Variants in CTNNA3 observed in about 807,000 individuals in gnomAD.
The protein encoded by CTNNA3 is catenin alpha 3, also known as catenin alpha-3.
In CTNNA3, 76 loss-of-function variants were observed where a neutral mutation model predicts 95.7. The observed-to-expected ratio is 0.79, with a 90% CI of 0.66 to 0.96. The LOEUF is 0.96. CTNNA3 is among the 40% of genes least tolerant of loss of function. The probability of loss-of-function intolerance (pLI) is 0.00; values close to 1 mark genes in which losing one functional copy is unlikely to be tolerated. For missense variants in CTNNA3, 1,191 were observed against 1,089.8 expected, an observed-to-expected ratio of 1.09 and a Z score of -1.31; for synonymous variants, 431 against 374.4, an observed-to-expected ratio of 1.15 and a Z score of -1.74.
chr10:66,277,514 GTTTA>G (rs1368248008), intron 13 of CTNNA3, among the ~76,000 whole-genome samples: 1 of 152,116 alleles, frequency 6.6e-6, no homozygotes. Context: ...ACCAGATCAA[GTTTA>G]TTCTCTTCTG....
At chr10:66,793,093 T>C (rs1430663863) in intron 7 of CTNNA3, among the ~76,000 whole-genome samples, 6 of 152,150 alleles carry the variant, frequency 3.9e-5, no homozygotes, top group Non-Finnish European at 8.8e-5. Context: ...GGATGTCCAA[T>C]GGTAATCCAC....
intron 1 of CTNNA3, among the ~76,000 whole-genome samples, chr10:67,664,868 T>G (rs1262043807): frequency 6.6e-6 from 1 of 152,228 alleles, no homozygotes; most frequent in Admixed American, 6.5e-5. Context: ...TCTCCTTTTT[T>G]GCTTTACCAA....
At chr10:66,210,818 T>C (rs1294280225) in intron 13 of CTNNA3, among the ~76,000 whole-genome samples, 1 of 152,200 alleles carries the variant, frequency 6.6e-6, no homozygotes, top group Non-Finnish European at 1.5e-5. Context: ...TACAATTGTG[T>C]TTAGAACGTG....
chr10:66,452,796 C>T (rs995895326), intron 11 of CTNNA3, among the ~76,000 whole-genome samples: 1 of 152,114 alleles, frequency 6.6e-6, no homozygotes, highest in Non-Finnish European at 1.5e-5. Flanking sequence ...CTTACCTGAT[C>T]TCACGGCCCC....
chr10:65,946,531 T>C (rs917614774), intron 17 of CTNNA3, among the ~76,000 whole-genome samples: 3 of 152,162 alleles, frequency 2.0e-5, no homozygotes, highest in Non-Finnish European at 2.9e-5. Flanking sequence ...TTTAAACAAA[T>C]CTTTTAAAAT....
At chr10:66,992,540 T>A (rs1243227875) in intron 7 of CTNNA3, among the ~76,000 whole-genome samples, 1 of 152,124 alleles carries the variant, frequency 6.6e-6, no homozygotes, top group African/African-American at 2.4e-5. Flanking sequence ...TCCTTTACTT[T>A]TTTTTTAATG....
intron 7 of CTNNA3, among the ~76,000 whole-genome samples, chr10:67,137,519 T>C (rs1316448057): frequency 6.6e-6 from 1 of 152,086 alleles, no homozygotes; most frequent in African/African-American, 2.4e-5. Context: ...TGCTCCTATA[T>C]ATGCAAGTCA....
At chr10:66,633,165 T>C (rs1032233543) in intron 9 of CTNNA3, among the ~76,000 whole-genome samples, 15 of 152,168 alleles carry the variant, frequency 9.9e-5, no homozygotes, top group African/African-American at 3.4e-4. Context: ...TTTAATGGAA[T>C]CTGTCATTCA....
At position 66,915,935 on chromosome 10, in the gene CTNNA3, G is replaced by C. The variant is rs1258265654; in HGVS notation, c.1048-140411C>G. On this transcript the variant is annotated intron_variant, in intron 7 of 17. Transcript: ENST00000433211. Reference sequence around the variant, plus strand: ...AGATAATTGTTGTATTTTTAGTAGAGATGGGATTTCACCATGTTGGCCAGG... The same window carrying C: ...AGATAATTGTTGTATTTTTAGTAGACATGGGATTTCACCATGTTGGCCAGG... Among the ~76,000 whole-genome samples, 4 of 152,042 alleles carry C rather than the reference G, an allele frequency of 2.6e-5. No homozygotes were observed. The East Asian group carries it at 7.8e-4, about 30-fold the overall frequency.
intron 1 of CTNNA3, among the ~76,000 whole-genome samples, chr10:67,725,927 A>AATTAT (rs1246705784): frequency 7.1e-6 from 1 of 141,334 alleles, no homozygotes; most frequent in African/African-American, 2.6e-5. Context: ...CATAATATAT[A>AATTAT]ATTATATAAT....
chr10:67,388,073 G>A (rs377106446), intron 5 of CTNNA3, among the ~76,000 whole-genome samples: 3 of 150,756 alleles, frequency 2.0e-5, no homozygotes, highest in East Asian at 2.0e-4. Context: ...TGACTTTGAC[G>A]AGCTGAGAGA....
chr10:67,197,004 T>A (rs138725285), intron 6 of CTNNA3, among the ~76,000 whole-genome samples: 1 of 152,112 alleles, frequency 6.6e-6, no homozygotes, highest in Non-Finnish European at 1.5e-5. Context: ...TCTGTCTACA[T>A]TGAACTTAGA....
chr10:66,268,633 A>G (rs2091210116), intron 13 of CTNNA3, among the ~76,000 whole-genome samples: 1 of 152,206 alleles, frequency 6.6e-6, no homozygotes, highest in Admixed American at 6.5e-5. Context: ...AGCAATAATA[A>G]CTGGAACAAA....
At chr10:66,455,072 T>C (rs1188528766) in intron 11 of CTNNA3, among the ~76,000 whole-genome samples, 2 of 152,090 alleles carry the variant, frequency 1.3e-5, no homozygotes, top group Admixed American at 6.6e-5. Flanking sequence ...TCATTCATTA[T>C]AGAAATTCTC....
chr10:66,508,025 T>A lies in CTNNA3; in HGVS notation c.1531+12592A>T, dbSNP rs1395698750. On this transcript the variant is annotated intron_variant, in intron 11 of 17. Transcript: ENST00000433211. The stretch of plus-strand genomic sequence containing the variant: ...CATCCTTGTTAGCATTTTTTTTAAA[T>A]CATTTCCTTTCATTTAGATTCTGTG... Among the ~76,000 whole-genome samples the A allele has an allele frequency of 2.0e-5, 3 of 152,070 alleles. 1 individual carries two copies. The highest frequency in any genetic ancestry group is 2.0e-4 in the Admixed American group (3 of 15,260).
chr10:66,985,858 A>G (rs61866224), intron 7 of CTNNA3, among the ~76,000 whole-genome samples: 62,011 of 151,646 alleles, frequency 0.41, 13,247 homozygotes, highest in South Asian at 0.6. Context: ...CTCCCAAGTA[A>G]CTGGGATTAC....
At chr10:66,253,014 A>G (rs1002596485) in intron 13 of CTNNA3, among the ~76,000 whole-genome samples, 5 of 152,200 alleles carry the variant, frequency 3.3e-5, no homozygotes, top group African/African-American at 1.2e-4. Context: ...AGTGGATTGC[A>G]CACAGAATGA....
At chr10:67,739,706 C>G (rs1841324034) in intron 1 of CTNNA3, among the ~76,000 whole-genome samples, 1 of 152,090 alleles carries the variant, frequency 6.6e-6, no homozygotes, top group African/African-American at 2.4e-5. Context: ...TAGGAAGAAT[C>G]AATATCGTGA....
At position 66,370,942 on chromosome 10, in the gene CTNNA3, C is replaced by T. The variant is rs926400095; in HGVS notation, c.1732+8210G>A. On this transcript the variant is annotated intron_variant, in intron 12 of 17. Coordinates refer to ENST00000433211, the MANE Select transcript of CTNNA3 (RefSeq NM_013266.4). ...CTCACTATGTTGCCTAGGCTGATCT[C>T]GAACACTTGGGTTCAAGCAGTCCTC... 1.8e-4 allele frequency among the ~76,000 whole-genome samples: 27 copies of T among 152,048 alleles called. 2 individuals carry two copies. The highest frequency in any genetic ancestry group is 1.6e-3 in the Admixed American group (25 of 15,232).
Sources: allele counts gnomAD v4.1 joint callset (sites outside exome capture counted in the v4.1 genomes callset), GRCh38; gene constraint gnomAD v4.1.1; transcripts MANE v1.5; gene names NCBI Gene and HGNC (gene_info 2026-07-23, HGNC 2026-07-21).